The following MAPKAP1 variants were observed in gnomAD, a reference collection of about 807,000 sequenced individuals.
MAPKAP1 encodes the protein MAPK associated protein 1.
A neutral mutation model predicts 65.7 loss-of-function variants in MAPKAP1; 20 were observed. The observed-to-expected ratio is 0.30, with a 90% CI of 0.21 to 0.44. The LOEUF is 0.44. Ranked by LOEUF, MAPKAP1 falls within the 20% of genes least tolerant of loss-of-function variation. MAPKAP1 has a pLI of 1.00. For synonymous variants in MAPKAP1, 222 were observed against 244.3 expected (o/e 0.91, Z 0.85); for missense variants, 423 against 648.0 (o/e 0.65, Z 3.77).
At chr9:125,463,160 TGCCTATTA>T (rs1490404206) in intron 10 of MAPKAP1, among the ~76,000 whole-genome samples, 2 of 152,260 alleles carry the variant, frequency 1.3e-5, no homozygotes, top group Non-Finnish European at 2.9e-5. Context: ...GAAGGCCCTG[TGCCTATTA>T]CCGCGTTAAC....
intron 4 of MAPKAP1, among the ~76,000 whole-genome samples, chr9:125,622,114 G>A (rs1663506299): frequency 2.0e-5 from 3 of 152,190 alleles, no homozygotes; most frequent in Admixed American, 2.0e-4. Flanking sequence ...GAGTAGAATT[G>A]TGGGTATTGG....
At position 125,662,119 on chromosome 9, in the gene MAPKAP1, C is replaced by T. The variant is rs117038660; in HGVS notation, c.350-4320G>A. On this transcript the variant is annotated intron_variant, in intron 3 of 11. Transcript: ENST00000265960. ...TTCTTGGCCAGGCACTGTGGCTCAC[C>T]GACTGTAATTCTAGCACTTCGGGAG... Among the ~76,000 whole-genome samples, 35 of 152,078 alleles carry T rather than the reference C, an allele frequency of 2.3e-4. No individual in the cohort carries two copies. In the East Asian group the frequency reaches 5.2e-3, roughly 23 times the overall value.
chr9:125,672,779 A>G, intron 1 of MAPKAP1, 136 bp from the exon 2 acceptor site: 1 of 627,634 alleles, frequency 1.6e-6, no homozygotes, highest in Non-Finnish European at 2.8e-6. Flanking sequence ...GCTTAAAAGG[A>G]TTTAGTCTAA....
chr9:125,681,257 ATGT>A (rs1834813232), intron 1 of MAPKAP1, among the ~76,000 whole-genome samples: 1 of 152,206 alleles, frequency 6.6e-6, no homozygotes, highest in African/African-American at 2.4e-5. Context: ...AGGGGAAGGA[ATGT>A]TGTGGAAATT....
chr9:125,688,390 G>A (rs1225214303), intron 1 of MAPKAP1, among the ~76,000 whole-genome samples: 13 of 152,086 alleles, frequency 8.5e-5, no homozygotes, highest in East Asian at 5.8e-4. Flanking sequence ...TGCCGGCCTC[G>A]GCCTCCCAAA....
intron 10 of MAPKAP1, among the ~76,000 whole-genome samples, chr9:125,455,206 A>C (rs1853119657): frequency 6.6e-6 from 1 of 152,230 alleles, no homozygotes. Flanking sequence ...CATTGATAAA[A>C]TGGGAATATT....
Position 125,624,420 on chromosome 9 carries a change from C to T in MAPKAP1, c.498+33231G>A, listed in dbSNP as rs1163469307. 3.9e-5 allele frequency among the ~76,000 whole-genome samples: 4 copies of T among 102,686 alleles called. 1 individual carries two copies. Among genetic ancestry groups the T allele is most frequent in the African/African-American group, 1.4e-4 (4 of 28,032 alleles). 67.4% of individuals were successfully genotyped at this position (102,686 alleles called of 152,430 possible). On this transcript the variant is annotated intron_variant, in intron 4 of 11. Coordinates refer to ENST00000265960, the MANE Select transcript of MAPKAP1 (RefSeq NM_001006617.3). ...CCCCCATCCCGGCCAGCCGCCCCGTCCGGGAGGGAGGTGGGGGGGGTCAGC... is the reference window on the plus strand; with the variant it reads ...CCCCCATCCCGGCCAGCCGCCCCGTTCGGGAGGGAGGTGGGGGGGGTCAGC...
chr9:125,616,753 C>T (rs1230364265), intron 4 of MAPKAP1, among the ~76,000 whole-genome samples: 1 of 152,148 alleles, frequency 6.6e-6, no homozygotes, highest in African/African-American at 2.4e-5. Context: ...CTTTGTAAGA[C>T]AGTTTGGCAT....
rs888458447 is a variant in MAPKAP1, at chr9:125,699,630, G to T, written c.-70+7341C>A. Among the ~76,000 whole-genome samples, 22 of 150,368 alleles carry T rather than the reference G, an allele frequency of 1.5e-4. No homozygotes were observed. In the Middle Eastern group the frequency reaches 0.01, roughly 71 times the overall value. On this transcript the variant is annotated intron_variant, in intron 1 of 11. Coordinates refer to ENST00000265960, the MANE Select transcript of MAPKAP1 (RefSeq NM_001006617.3). Reference sequence around the variant, plus strand: ...AAGTTTTGAATTTTGAAGGATTTTTGATTTTGATTTTTTTTTTTTTTTGAG... The same window carrying T: ...AAGTTTTGAATTTTGAAGGATTTTTTATTTTGATTTTTTTTTTTTTTTGAG...
intron 7 of MAPKAP1, 98 bp downstream of exon 7, chr9:125,542,961 G>A (rs752069983): frequency 1.1e-6 from 1 of 870,284 alleles, no homozygotes; most frequent in Non-Finnish European, 2.0e-6. Context: ...AATGACATCT[G>A]AAAGAATCTA....
At chr9:125,455,010 A>AC (rs1034808321) in intron 10 of MAPKAP1, among the ~76,000 whole-genome samples, 2 of 151,564 alleles carry the variant, frequency 1.3e-5, no homozygotes, top group African/African-American at 2.4e-5. Flanking sequence ...ACATAGTGAG[A>AC]CCCCCATCTC....
intron 4 of MAPKAP1, chr9:125,596,277 G>A: frequency 1.3e-6 from 1 of 761,062 alleles, no homozygotes; most frequent in Non-Finnish European, 2.4e-6. Context: ...CTTTGGTGGT[G>A]GTCGTGAAGG....
chr9:125,616,406 G>T (rs908056516), intron 4 of MAPKAP1, among the ~76,000 whole-genome samples: 3 of 152,056 alleles, frequency 2.0e-5, no homozygotes, highest in East Asian at 1.9e-4. Context: ...ACCAAAAAGA[G>T]AATGAAGACA....
At chr9:125,547,698 A>G (rs1164251782) in intron 6 of MAPKAP1, among the ~76,000 whole-genome samples, 1 of 152,176 alleles carries the variant, frequency 6.6e-6, no homozygotes, top group Non-Finnish European at 1.5e-5. Flanking sequence ...CATTGGTAAC[A>G]CAGGGGCATT....
intron 3 of MAPKAP1, among the ~76,000 whole-genome samples, chr9:125,668,129 G>A (rs1298657360): frequency 6.6e-6 from 1 of 152,222 alleles, no homozygotes; most frequent in Non-Finnish European, 1.5e-5. Flanking sequence ...TACCTGCTAA[G>A]GATACTTGAG....
intron 4 of MAPKAP1, among the ~76,000 whole-genome samples, chr9:125,596,918 T>C (rs1832142465): frequency 6.6e-6 from 1 of 150,870 alleles, no homozygotes; most frequent in Admixed American, 6.6e-5. Context: ...ATGCTGTTGA[T>C]TGCTAAATGT....
At chr9:125,506,121 C>G in intron 8 of MAPKAP1, 189 bp downstream of exon 8, 1 of 634,186 alleles carries the variant, frequency 1.6e-6, no homozygotes, top group African/African-American at 1.8e-5. Context: ...TGCAGCCTCT[C>G]TACCAAAAAG....
chr9:125,631,761 A>G (rs939293987), intron 4 of MAPKAP1, among the ~76,000 whole-genome samples: 1 of 152,172 alleles, frequency 6.6e-6, no homozygotes, highest in African/African-American at 2.4e-5. Context: ...CCCAGAATTT[A>G]CCAGCATCTC....
In MAPKAP1 at chr9:125,691,318, G is replaced by A. The variant is rs55667577; in HGVS notation, c.-70+15653C>T. Among the ~76,000 whole-genome samples the A allele has an allele frequency of 5.6e-3, 844 of 151,582 alleles. 2 individuals are homozygous for A. Among genetic ancestry groups the A allele is most frequent in the Non-Finnish European group, 7.5e-3 (506 of 67,820 alleles). On this transcript the variant is annotated intron_variant, in intron 1 of 11. Transcript: ENST00000265960. ...GGTAGAACTCGGTGACTGAGTGAAT[G>A]TGAAGGATTAAGAAGGGGGAAGTTT...
Sources: gnomAD v4.1 joint callset for allele counts (sites outside exome capture counted in the v4.1 genomes callset) on GRCh38, gnomAD v4.1.1 for gene constraint, MANE v1.5 for transcripts, NCBI Gene and HGNC (gene_info 2026-07-23, HGNC 2026-07-21) for gene names.